Variants in SLC25A48 observed in about 807,000 individuals in gnomAD.
The protein encoded by SLC25A48 is CTC-321K16.1.
A neutral mutation model predicts 32.2 loss-of-function variants in SLC25A48; 29 were observed. The ratio of observed to expected loss-of-function variants is 0.90; its 90% CI spans 0.67 to 1.23. The LOEUF (loss-of-function observed/expected upper bound fraction) is 1.23. Ranked by LOEUF, SLC25A48 falls within the 50% of genes most tolerant of loss-of-function variation. The pLI is 0.00. For missense variants in SLC25A48, 399 were observed against 422.7 expected (o/e 0.94, Z 0.49); for synonymous variants, 164 against 172.3 (o/e 0.95, Z 0.38).
intron 4 of SLC25A48, among the ~76,000 whole-genome samples, chr5:135,859,110 G>A (rs1760571570): frequency 6.6e-6 from 1 of 152,144 alleles, no homozygotes; most frequent in African/African-American, 2.4e-5. Flanking sequence ...TCACGACAGG[G>A]AGCTAACATA....
intron 3 of SLC25A48, among the ~76,000 whole-genome samples, chr5:135,690,503 C>T (rs902316121): frequency 1.3e-5 from 2 of 152,174 alleles, no homozygotes; most frequent in African/African-American, 4.8e-5. Flanking sequence ...CTAGAAATAA[C>T]TTCTTCCCTG....
At chr5:135,754,252 T>C (rs928623354) in intron 3 of SLC25A48, among the ~76,000 whole-genome samples, 1 of 151,780 alleles carries the variant, frequency 6.6e-6, no homozygotes, top group Non-Finnish European at 1.5e-5. Flanking sequence ...CAGTCATTTC[T>C]CAAGGGTATT....
intron 3 of SLC25A48, among the ~76,000 whole-genome samples, chr5:135,646,511 G>A (rs1032199324): frequency 2.6e-5 from 4 of 151,808 alleles, no homozygotes; most frequent in Non-Finnish European, 4.4e-5. Context: ...TTAGCTGTAA[G>A]ATGAAGATTA....
At chr5:135,744,967 A>G (rs7703064) in intron 3 of SLC25A48, among the ~76,000 whole-genome samples, 116,022 of 151,918 alleles carry the variant, frequency 0.76, 44,855 homozygotes, top group Middle Eastern at 0.87. Flanking sequence ...ACTTGAAACC[A>G]GGAGGCGGAG....
At chr5:135,657,755 G>T (rs1317146542) in intron 3 of SLC25A48, among the ~76,000 whole-genome samples, 4 of 152,228 alleles carry the variant, frequency 2.6e-5, no homozygotes, top group Non-Finnish European at 1.5e-5. Context: ...CCATGAGCAG[G>T]TTGCTGTGGG....
At chr5:135,806,867 CAAT>C (rs1431797502) in intron 3 of SLC25A48, among the ~76,000 whole-genome samples, 1 of 149,708 alleles carries the variant, frequency 6.7e-6, no homozygotes, top group African/African-American at 2.4e-5. Context: ...ATGGATATTT[CAAT>C]AATATCACAG....
At chr5:135,590,376 G>C (rs926261475) in intron 1 of SLC25A48, among the ~76,000 whole-genome samples, 2 of 152,142 alleles carry the variant, frequency 1.3e-5, no homozygotes, top group African/African-American at 4.8e-5. Flanking sequence ...CACCATCCCT[G>C]CCCATGGGCC....
At chr5:135,751,545 T>TCACACA (rs975621284) in intron 3 of SLC25A48, among the ~76,000 whole-genome samples, 2 of 152,094 alleles carry the variant, frequency 1.3e-5, no homozygotes, top group Admixed American at 6.6e-5. Context: ...CTATAATTAG[T>TCACACA]CACACAGGTC....
intron 1 of SLC25A48, among the ~76,000 whole-genome samples, chr5:135,628,347 C>T (rs544851529): frequency 2.6e-4 from 40 of 152,248 alleles, no homozygotes; most frequent in Admixed American, 2.2e-3. Context: ...GAGAATCCCT[C>T]GGAGGTTTTA....
chr5:135,648,126 CAG>C (rs1753016244), intron 3 of SLC25A48, among the ~76,000 whole-genome samples: 1 of 152,154 alleles, frequency 6.6e-6, no homozygotes, highest in African/African-American at 2.4e-5. Flanking sequence ...CAAATTAGTG[CAG>C]AGTTTGAATG....
At chr5:135,832,021 G>A (rs1372999019), upstream of SLC25A48, among the ~76,000 whole-genome samples, 1 of 152,144 alleles carries the variant, frequency 6.6e-6, no homozygotes, top group Non-Finnish European at 1.5e-5. Flanking sequence ...ATGGAGGATG[G>A]CATCCAAGGT....
At chr5:135,735,823 G>A (rs4285212) in intron 3 of SLC25A48, among the ~76,000 whole-genome samples, 43,830 of 152,060 alleles carry the variant, frequency 0.29, 6,450 homozygotes, top group East Asian at 0.45. Flanking sequence ...TATATATTCA[G>A]TAGGGTCTGA....
intron 3 of SLC25A48, among the ~76,000 whole-genome samples, chr5:135,792,246 C>T (rs1231584771): frequency 2.0e-5 from 3 of 151,818 alleles, no homozygotes; most frequent in South Asian, 4.2e-4. Flanking sequence ...TAATATCTCA[C>T]GGGTTCTATA....
intron 3 of SLC25A48, among the ~76,000 whole-genome samples, chr5:135,799,653 G>A (rs1157426228): frequency 6.6e-6 from 1 of 151,310 alleles, no homozygotes; most frequent in African/African-American, 2.4e-5. Context: ...AATACCTAAG[G>A]GGAAAATAAT....
At chr5:135,881,480 G>A (rs985621508) in intron 7 of SLC25A48, among the ~76,000 whole-genome samples, 9 of 152,192 alleles carry the variant, frequency 5.9e-5, no homozygotes, top group Non-Finnish European at 1.2e-4. Context: ...TGCTAAAGTG[G>A]CAACATTCAC....
intron 3 of SLC25A48, among the ~76,000 whole-genome samples, chr5:135,725,320 G>A (rs899574500): frequency 3.3e-5 from 5 of 152,196 alleles, no homozygotes; most frequent in African/African-American, 1.2e-4. Flanking sequence ...GACAGTCTAG[G>A]AGGTGTGGAA....
chr5:135,800,916 T>C (rs10076529), intron 3 of SLC25A48, among the ~76,000 whole-genome samples: 115,973 of 151,066 alleles, frequency 0.77, 44,879 homozygotes, highest in Middle Eastern at 0.86. Flanking sequence ...TGTACACCCC[T>C]CTGTGATATG....
intron 3 of SLC25A48, among the ~76,000 whole-genome samples, chr5:135,669,079 C>T (rs1313348134): frequency 6.6e-6 from 1 of 152,104 alleles, no homozygotes; most frequent in Non-Finnish European, 1.5e-5. Flanking sequence ...TTCTATCATG[C>T]ACACACACAC....
At chr5:135,645,835 T>G (rs1407082663) in intron 3 of SLC25A48, among the ~76,000 whole-genome samples, 4 of 152,188 alleles carry the variant, frequency 2.6e-5, no homozygotes, top group Non-Finnish European at 4.4e-5. Flanking sequence ...GCTCATGTGC[T>G]GTTTGGAGAG....
Sources: gnomAD v4.1 joint callset for allele counts (sites outside exome capture counted in the v4.1 genomes callset) on GRCh38, gnomAD v4.1.1 for gene constraint, MANE v1.5 for transcripts, NCBI Gene and HGNC (gene_info 2026-07-23, HGNC 2026-07-21) for gene names.